Variants in EML2 observed in about 807,000 individuals in gnomAD.
EML2 encodes echinoderm microtubule-associated protein-like 2.
A neutral mutation model predicts 84.7 loss-of-function variants in EML2; 59 were observed. The ratio of observed to expected loss-of-function variants is 0.70; its 90% CI spans 0.56 to 0.86. The LOEUF is 0.86. EML2 is among the 40% of genes least tolerant of loss of function. EML2 has a pLI of 0.00. For synonymous variants in EML2, 352 were observed against 348.9 expected (o/e 1.01, Z -0.10); for missense variants, 818 against 855.6 (o/e 0.96, Z 0.55).
upstream of EML2, chr19:45,644,896 C>G (rs1037505570): frequency 3.5e-5 from 15 of 431,788 alleles, no homozygotes; most frequent in Non-Finnish European, 5.6e-5. Flanking sequence ...ACCCCCACCC[C>G]CTCTGTCTGT....
At chr19:45,624,861 G>A (rs371366092) in intron 8 of EML2, 43 bp from the exon 9 acceptor site, 132 of 1,439,138 alleles carry the variant, frequency 9.2e-5, no homozygotes, top group Non-Finnish European at 1.3e-4. Context: ...CGTCACTGAA[G>A]CAGGTAGCCT....
chr19:45,621,448 C>A, intron 10 of EML2, 35 bp downstream of exon 10: 9 of 1,598,204 alleles, frequency 5.6e-6, no homozygotes, highest in Non-Finnish European at 7.7e-6. Flanking sequence ...GGGGGGGCCT[C>A]TCTACCCCCA....
In EML2 at chr19:45,616,477, C is replaced by T. The variant is rs1008165335; in HGVS notation, c.1493G>A (p.Arg498His). The change falls in exon 15 of 19, where the codon CGC becomes CAC. Residue 498 changes from arginine (R) to histidine (H), a missense_variant. Physicochemically the swap from Arg to His is conservative, Grantham distance 29. Coordinates refer to ENST00000245925, the MANE Select transcript of EML2 (RefSeq NM_012155.4). ...CCCACTCACCGAGCACTTGCCCAGG[C>T]GGCTGACCTTGCGGCCGCCCTGGTC... ...TVDQGGRKVSRLGKCSGHSSF... is the reference protein window; with the variant it reads ...TVDQGGRKVSHLGKCSGHSSF... The T allele has an allele frequency of 1.1e-5, 18 of 1,591,774 alleles. No homozygotes were observed. The highest frequency in any genetic ancestry group is 1.5e-5 in the Non-Finnish European group (18 of 1,163,252).
At chr19:45,616,982 A>G in intron 13 of EML2, 129 bp from the exon 14 acceptor site, 1 of 695,636 alleles carries the variant, frequency 1.4e-6, no homozygotes, top group Non-Finnish European at 2.5e-6. Flanking sequence ...ACGGTGGCTC[A>G]GGCCTATAAT....
chr19:45,614,847 G>T (rs1220511425), intron 16 of EML2, 147 bp from the exon 17 acceptor site: 6 of 639,960 alleles, frequency 9.4e-6, no homozygotes, highest in Non-Finnish European at 1.7e-5. Flanking sequence ...GGCTGAGAAG[G>T]CATCACATGC....
At chr19:45,644,409 C>T (rs924779093), upstream of EML2, among the ~76,000 whole-genome samples, 4 of 152,130 alleles carry the variant, frequency 2.6e-5, no homozygotes, top group Non-Finnish European at 5.9e-5. Context: ...CATTCTGGGT[C>T]CCCTGCCAAT....
chr19:45,642,184 C>G (rs1452350137), upstream of EML2: 1 of 1,531,334 alleles, frequency 6.5e-7, no homozygotes, highest in Non-Finnish European at 8.7e-7. Flanking sequence ...GGGGGTGCCC[C>G]GCGCGCGTAG....
rs571453691 is a variant in EML2 at position 45,615,701 on chromosome 19, C to T, written c.1597+101G>A. 3 of 1,048,030 alleles carry T rather than the reference C, an allele frequency of 2.9e-6. No individual in the cohort carries two copies. The East Asian group carries it at 7.3e-5, about 26-fold the overall frequency. The allele number at this position is 1,048,030 out of a possible 1,614,324, so 64.9% of individuals were successfully genotyped here. A position where few individuals can be genotyped will look rare whatever the true frequency, so the allele number is the denominator to read the frequency against. On this transcript the variant is annotated intron_variant, in intron 16 of 18. Transcript: ENST00000245925. ...CCAAATCAGAACCAGCCTTGAATAC[C>T]AAGGGAGCGAGGCTTGAAGCCCCTC...
chr19:45,634,310 C>G lies in EML2; in HGVS notation c.329+12G>C. ...CACAGCTCCCTCCCGTCCCCTCTGT[C>G]CCACATCTCACCATTTGATGTCATC... On this transcript the variant is annotated intron_variant, in intron 4 of 18. Coordinates refer to ENST00000245925, the MANE Select transcript of EML2 (RefSeq NM_012155.4). 1 of 1,612,792 alleles carries G rather than the reference C, an allele frequency of 6.2e-7. No homozygotes were observed. Among genetic ancestry groups the G allele is most frequent in the South Asian group, 1.1e-5 (1 of 91,052 alleles).
At chr19:45,642,110 A>AT, upstream of EML2, 1 of 1,470,092 alleles carries the variant, frequency 6.8e-7, no homozygotes, top group Non-Finnish European at 9.0e-7. Context: ...TCCCCATCCC[A>AT]CCCCTCCAGT....
chr19:45,626,806 G>A lies in EML2; in HGVS notation c.640C>T (p.His214Tyr). The A allele has an allele frequency of 6.2e-7, 1 of 1,613,812 alleles. No homozygotes were observed. Among genetic ancestry groups the A allele is most frequent in the Non-Finnish European group, 8.5e-7 (1 of 1,179,924 alleles). ...ATAAGCACAGTGGGGTCCGTGGGGTGGAAGGTGGCCACCAATACAGCCTCA... is the reference window on the plus strand; with the variant it reads ...ATAAGCACAGTGGGGTCCGTGGGGTAGAAGGTGGCCACCAATACAGCCTCA... ...SNEAVLVATF[H>Y]PTDPTVLITC... Residue 214 changes from histidine (H) to tyrosine (Y), a missense_variant, in exon 8 of 19, where the codon CAC (histidine) becomes TAC (tyrosine). By Grantham distance (83) the His-to-Tyr change is moderately conservative. Coordinates refer to ENST00000245925, the MANE Select transcript of EML2 (RefSeq NM_012155.4).
intron 8 of EML2, among the ~76,000 whole-genome samples, chr19:45,626,310 G>A (rs987308266): frequency 2.7e-5 from 4 of 148,984 alleles, no homozygotes; most frequent in African/African-American, 7.4e-5. Flanking sequence ...CCTTGCCACA[G>A]TACCCATTTA....
At chr19:45,645,460 C>T (rs571962886), upstream of EML2, 5,502 of 1,409,654 alleles carry the variant, frequency 3.9e-3, 16 homozygotes, top group Middle Eastern at 0.014. Context: ...GCTCAGCTCG[C>T]CTGGCATCAG....
At chr19:45,636,713 G>A (rs1253320080) in intron 3 of EML2, among the ~76,000 whole-genome samples, 5 of 152,240 alleles carry the variant, frequency 3.3e-5, no homozygotes, top group East Asian at 1.9e-4. Flanking sequence ...TTGGGAGGCC[G>A]AGGCAGGTGG....
intron 7 of EML2, 72 bp downstream of exon 7, chr19:45,629,879 A>G: frequency 8.3e-7 from 1 of 1,199,100 alleles, no homozygotes; most frequent in Non-Finnish European, 1.2e-6. Context: ...CTGATTGCAG[A>G]CTCCTAACCA....
chr19:45,620,822 G>A (rs917893946), intron 11 of EML2: 22 of 363,726 alleles, frequency 6.0e-5, no homozygotes, highest in African/African-American at 1.1e-4. Context: ...AGGAGCAGGC[G>A]TTTGAGCTTC....
chr19:45,626,353 A>G (rs1303022647), intron 8 of EML2, among the ~76,000 whole-genome samples: 2 of 117,910 alleles, frequency 1.7e-5, no homozygotes, highest in African/African-American at 6.8e-5. Flanking sequence ...GAACTGCTGT[A>G]CTCTTCATCC....
chr19:45,642,993 A>G (rs1015130793), upstream of EML2, among the ~76,000 whole-genome samples: 18 of 150,968 alleles, frequency 1.2e-4, no homozygotes, highest in Admixed American at 2.0e-4. Context: ...TCAAAAAAAA[A>G]AAAAAGAAAA....
intron 4 of EML2, among the ~76,000 whole-genome samples, chr19:45,633,836 C>A (rs948644762): frequency 6.6e-6 from 1 of 152,232 alleles, no homozygotes; most frequent in African/African-American, 2.4e-5. Flanking sequence ...CCTCCAACTC[C>A]TGGACTTCAG....
Sources: allele counts gnomAD v4.1 joint callset (sites outside exome capture counted in the v4.1 genomes callset), GRCh38; gene constraint gnomAD v4.1.1; transcripts MANE v1.5; gene names NCBI Gene and HGNC (gene_info 2026-07-23, HGNC 2026-07-21).